The following ARPP21 variants were observed in gnomAD, a reference collection of about 807,000 sequenced individuals.
ARPP21 encodes cAMP regulated phosphoprotein 21.
ARPP21 carries 69 observed loss-of-function variants against 113.2 expected under a neutral mutation model. The observed-to-expected ratio is 0.61, with a 90% CI of 0.50 to 0.74. ARPP21 has a LOEUF of 0.74. Among genes scored for constraint, ARPP21 ranks in the 30% least tolerant of loss-of-function variants. The probability of loss-of-function intolerance (pLI) is 0.00; values close to 1 mark genes in which losing one functional copy is unlikely to be tolerated. For missense variants in ARPP21, 1,070 were observed against 1,037.4 expected, an observed-to-expected ratio of 1.03 and a Z score of -0.43; for synonymous variants, 368 against 375.5, an observed-to-expected ratio of 0.98 and a Z score of 0.23.
intron 19 of ARPP21, among the ~76,000 whole-genome samples, chr3:35,748,500 A>G (rs528088559): frequency 5.3e-5 from 8 of 151,472 alleles, no homozygotes; most frequent in Admixed American, 5.3e-4. Flanking sequence ...AGGAAGGAAG[A>G]AAGGAAGGAA....
chr3:35,650,143 T>C (rs1182646014), intron 1 of ARPP21: 1 of 152,102 alleles, frequency 6.6e-6, no homozygotes, highest in Admixed American at 6.6e-5. Flanking sequence ...ACCGTTGATA[T>C]TCTCATCAGG....
chr3:35,658,689 G>A (rs1706186167), intron 1 of ARPP21, among the ~76,000 whole-genome samples: 1 of 152,116 alleles, frequency 6.6e-6, no homozygotes, highest in South Asian at 2.1e-4. Flanking sequence ...GTAAATACAT[G>A]TCTATAAAAT....
chr3:35,749,295 A>G (rs1396468272), intron 19 of ARPP21, among the ~76,000 whole-genome samples: 1 of 152,128 alleles, frequency 6.6e-6, no homozygotes, highest in Non-Finnish European at 1.5e-5. Flanking sequence ...CAAATCACAC[A>G]CTAGAAAGGA....
rs151192771 is a variant in ARPP21, at chr3:35,663,779, C to T, written c.-212-16008C>T. Among the ~76,000 whole-genome samples the T allele has an allele frequency of 3.1e-3, 473 of 152,302 alleles. 3 individuals are homozygous for T. Among genetic ancestry groups the T allele is most frequent in the African/African-American group, 0.01 (435 of 41,566 alleles). The stretch of plus-strand genomic sequence containing the variant: ...GCTGGGCCATATACTCGCATTTCCA[C>T]TGTCCCAGCTTGCCTGCTGGGCCGT... On this transcript the variant is annotated intron_variant, in intron 1 of 20. Coordinates refer to ENST00000684406, the MANE Select transcript of ARPP21 (RefSeq NM_001385562.1).
intron 19 of ARPP21, among the ~76,000 whole-genome samples, chr3:35,756,857 G>A (rs2095589172): frequency 6.6e-6 from 1 of 152,230 alleles, no homozygotes; most frequent in African/African-American, 2.4e-5. Context: ...GCAGGATATT[G>A]CAGTAGAACA....
At position 35,721,774 on chromosome 3, in the gene ARPP21, G is replaced by T. The variant is rs760732663; in HGVS notation, c.1165G>T (p.Val389Leu). Residue 389 changes from valine to leucine, a missense_variant, in exon 14 of 21, where the codon GTG (valine) becomes TTG (leucine). Physicochemically the swap from Val to Leu is conservative, Grantham distance 32. Coordinates refer to ENST00000684406, the MANE Select transcript of ARPP21 (RefSeq NM_001385562.1). Reference sequence around the variant, plus strand: ...GACGGCGAGTTTTGGGGGCATCACGGTGCTGACCAGGGGTGACAGCACTTC... The same window carrying T: ...GACGGCGAGTTTTGGGGGCATCACGTTGCTGACCAGGGGTGACAGCACTTC... ...TKTASFGGIT[V>L]LTRGDSTSST... The T allele has an allele frequency of 6.2e-7, 1 of 1,613,618 alleles. No homozygotes were observed. Among genetic ancestry groups the T allele is most frequent in the South Asian group, 1.1e-5 (1 of 90,952 alleles).
At chr3:35,671,959 T>C (rs17033663) in intron 1 of ARPP21, among the ~76,000 whole-genome samples, 2,323 of 152,124 alleles carry the variant, frequency 0.015, 53 homozygotes, top group African/African-American at 0.053. Context: ...AGTTCAAAGG[T>C]TCAGCACTCT....
At chr3:35,663,572 G>A (rs1209233074) in intron 1 of ARPP21, among the ~76,000 whole-genome samples, 1 of 152,160 alleles carries the variant, frequency 6.6e-6, no homozygotes, top group Non-Finnish European at 1.5e-5. Context: ...ATAGCACAAA[G>A]CACAGCCTCC....
intron 19 of ARPP21, among the ~76,000 whole-genome samples, chr3:35,758,703 A>G (rs982637876): frequency 1.3e-5 from 2 of 152,120 alleles, no homozygotes; most frequent in Middle Eastern, 3.2e-3. Context: ...GATTAGTTTA[A>G]CCATTGTCTA....
intron 9 of ARPP21, among the ~76,000 whole-genome samples, chr3:35,699,197 T>C (rs1385797657): frequency 6.6e-6 from 1 of 151,664 alleles, no homozygotes; most frequent in Non-Finnish European, 1.5e-5. Flanking sequence ...ATCATACATA[T>C]ACCTACTAGA....
chr3:35,775,573 C>G (rs573320138), intron 19 of ARPP21, among the ~76,000 whole-genome samples: 3 of 152,012 alleles, frequency 2.0e-5, no homozygotes, highest in Admixed American at 6.6e-5. Context: ...AGAGCTATAG[C>G]CATTAACAGA....
intron 15 of ARPP21, among the ~76,000 whole-genome samples, chr3:35,734,279 C>G (rs2094196372): frequency 6.6e-6 from 1 of 152,136 alleles, no homozygotes; most frequent in Non-Finnish European, 1.5e-5. Flanking sequence ...ACTAAATGGA[C>G]TTACACATTT....
At chr3:35,747,517 C>T (rs1250258180) in intron 19 of ARPP21, among the ~76,000 whole-genome samples, 1 of 152,126 alleles carries the variant, frequency 6.6e-6, no homozygotes, top group Non-Finnish European at 1.5e-5. Context: ...CCGTTTATTG[C>T]CAATCTGGCA....
chr3:35,690,800 G>A lies in ARPP21; in HGVS notation c.546-65G>A, dbSNP rs1224672731. ...AAGAAATAGTTTTGTGTGTATACTT[G>A]TAAAAAGGTATTATGGGCAAAAAAT... On this transcript the variant is annotated intron_variant, in intron 8 of 20. Transcript: ENST00000684406. 4.1e-6 allele frequency: 6 copies of A among 1,461,474 alleles called. No individual in the cohort carries two copies. The Admixed American group carries it at 9.9e-5, about 24-fold the overall frequency. The allele number at this position is 1,461,474 out of a possible 1,614,324, so 90.5% of individuals were successfully genotyped here.
chr3:35,747,603 G>A (rs1012533320), intron 19 of ARPP21, among the ~76,000 whole-genome samples: 56 of 152,082 alleles, frequency 3.7e-4, no homozygotes, highest in African/African-American at 1.3e-3. Flanking sequence ...CTGTGTGGAA[G>A]AGCAGTTATC....
Position 35,689,367 on chromosome 3 carries a change from C to A in ARPP21, c.467C>A (p.Thr156Lys). The A allele has an allele frequency of 6.5e-7, 1 of 1,548,328 alleles. No homozygotes were observed. The highest frequency in any genetic ancestry group is 8.9e-7 in the Non-Finnish European group (1 of 1,121,274). ...GIDLHEFLIN[T>K]LKNNSRDRMI... ...GACTTACACGAGTTTCTGATTAACA[C>A]ATTAAAGAATAATTCCAGGTAAATT... is the stretch of plus-strand genomic sequence containing the variant. The change falls in exon 7 of 21, where the codon ACA (threonine) becomes AAA (lysine). Residue 156 changes from threonine to lysine, a missense_variant. Coordinates refer to ENST00000684406, the MANE Select transcript of ARPP21 (RefSeq NM_001385562.1).
intron 9 of ARPP21, among the ~76,000 whole-genome samples, chr3:35,691,969 G>A (rs1366723404): frequency 6.6e-6 from 1 of 151,562 alleles, no homozygotes; most frequent in Non-Finnish European, 1.5e-5. Flanking sequence ...GTTGGGACAA[G>A]TGGGGATGGA....
At chr3:35,687,668 T>C in intron 5 of ARPP21, 71 bp from the exon 6 acceptor site, 1 of 1,407,624 alleles carries the variant, frequency 7.1e-7, no homozygotes, top group South Asian at 1.3e-5. Context: ...CTTTATAACC[T>C]CTATGCAAAA....
At chr3:35,744,609 G>C (rs1359247914) in intron 19 of ARPP21, 1 of 468,704 alleles carries the variant, frequency 2.1e-6, no homozygotes, top group South Asian at 1.6e-5. Context: ...AACCCGACAG[G>C]GCTGAGTGGC....
Sources: gnomAD v4.1 joint callset for allele counts (sites outside exome capture counted in the v4.1 genomes callset) on GRCh38, gnomAD v4.1.1 for gene constraint, MANE v1.5 for transcripts, NCBI Gene and HGNC (gene_info 2026-07-23, HGNC 2026-07-21) for gene names.